Variants in MSI2 observed in about 807,000 individuals in gnomAD.
The protein encoded by MSI2 is RNA-binding protein Musashi homolog 2.
In MSI2, 17 loss-of-function variants were observed where a neutral mutation model predicts 45.6. That is an observed-to-expected ratio of 0.37 (90% CI 0.26 to 0.56). The LOEUF (loss-of-function observed/expected upper bound fraction) is 0.56, where lower values mean the gene tolerates loss of function less well. MSI2 is among the 20% of genes least tolerant of loss of function. The pLI, the probability that MSI2 is intolerant of heterozygous loss-of-function variation, is 0.77. For synonymous variants in MSI2, 156 were observed against 158.2 expected (o/e 0.99, Z 0.11); for missense variants, 293 against 444.2 (o/e 0.66, Z 3.06).
At chr17:57,616,189 A>T (rs1907673391) in intron 9 of MSI2, 105 bp downstream of exon 9, 1 of 763,770 alleles carries the variant, frequency 1.3e-6, no homozygotes, top group Non-Finnish European at 2.2e-6. Flanking sequence ...TCACCTTTCT[A>T]AGCCTCAGTT....
In MSI2 at chr17:57,631,866, A is replaced by C. The variant is rs761563946; in HGVS notation, c.727+4563A>C. 33 of 1,609,986 alleles carry C rather than the reference A, an allele frequency of 2.0e-5. No individual in the cohort carries two copies. In the Admixed American group the frequency reaches 5.0e-4, roughly 24 times the overall value. ...GAGGCATAGCAAAGTGGGGGTTGCT[A>C]CCATTTCTAGAGAGAGAGGACACAG... On this transcript the variant is annotated intron_variant, in intron 10 of 13. Coordinates refer to ENST00000284073, the MANE Select transcript of MSI2 (RefSeq NM_138962.4).
chr17:57,361,355 C>A (rs1010454273), intron 5 of MSI2, among the ~76,000 whole-genome samples: 5 of 151,942 alleles, frequency 3.3e-5, no homozygotes, highest in African/African-American at 1.2e-4. Flanking sequence ...AAACCCAGTA[C>A]TTTGGAAGGC....
chr17:57,549,038 T>C (rs1479452684), intron 7 of MSI2, among the ~76,000 whole-genome samples: 5 of 152,038 alleles, frequency 3.3e-5, no homozygotes, highest in African/African-American at 1.2e-4. Flanking sequence ...GACAGAATTA[T>C]TTTATTTGTT....
chr17:57,335,452 G>A (rs139622391), intron 5 of MSI2, among the ~76,000 whole-genome samples: 1 of 152,278 alleles, frequency 6.6e-6, no homozygotes, highest in Non-Finnish European at 1.5e-5. Flanking sequence ...GTTTACGTAT[G>A]GCCTATGGCA....
At chr17:57,469,540 A>T (rs1555610137) in intron 6 of MSI2, among the ~76,000 whole-genome samples, 1 of 152,162 alleles carries the variant, frequency 6.6e-6, no homozygotes, top group Non-Finnish European at 1.5e-5. Context: ...AGGTGAGGAA[A>T]GGGTTAAGGC....
chr17:57,359,160 C>T lies in MSI2; in HGVS notation c.313-42219C>T, dbSNP rs916171995. Reference sequence around the variant, plus strand: ...CACTCTCTCCGATTCCCCAAATCCCCTAGGTCCCACTGCTTGGGTTTGGGG... The same window carrying T: ...CACTCTCTCCGATTCCCCAAATCCCTTAGGTCCCACTGCTTGGGTTTGGGG... On this transcript the variant is annotated intron_variant, in intron 5 of 13. Coordinates refer to ENST00000284073, the MANE Select transcript of MSI2 (RefSeq NM_138962.4). Among the ~76,000 whole-genome samples the T allele has an allele frequency of 2.0e-5, 3 of 152,186 alleles. No individual in the cohort carries two copies. The East Asian group carries it at 5.8e-4, about 29-fold the overall frequency.
intron 6 of MSI2, among the ~76,000 whole-genome samples, chr17:57,517,309 C>T (rs903411181): frequency 6.6e-6 from 1 of 152,152 alleles, no homozygotes; most frequent in Admixed American, 6.5e-5. Flanking sequence ...CATCAAAGCC[C>T]CATGAAGAAA....
chr17:57,473,241 T>C (rs779829025), intron 6 of MSI2, among the ~76,000 whole-genome samples: 2 of 152,220 alleles, frequency 1.3e-5, no homozygotes, highest in Admixed American at 1.3e-4. Flanking sequence ...TCACCTTCCC[T>C]CCCAGAAGCT....
chr17:57,314,102 C>T lies in MSI2; in HGVS notation c.312+51910C>T, dbSNP rs1253170056. On this transcript the variant is annotated intron_variant, in intron 5 of 13. Coordinates refer to ENST00000284073, the MANE Select transcript of MSI2 (RefSeq NM_138962.4). The stretch of plus-strand genomic sequence containing the variant: ...GGAAGGATCATTGCAGGTCTCCCTC[C>T]GTGGCTTCTAGATGGCTGTTTTCTC... Among the ~76,000 whole-genome samples the T allele has an allele frequency of 2.6e-5, 4 of 152,108 alleles. No individual in the cohort carries two copies. In the East Asian group the frequency reaches 5.8e-4, roughly 22 times the overall value.
intron 7 of MSI2, among the ~76,000 whole-genome samples, chr17:57,555,244 C>A (rs1443985518): frequency 6.6e-6 from 1 of 151,772 alleles, no homozygotes; most frequent in Non-Finnish European, 1.5e-5. Flanking sequence ...TCTGCACCCA[C>A]CGCCATGCTC....
Position 57,372,921 on chromosome 17 carries a change from A to G in MSI2, c.313-28458A>G, listed in dbSNP as rs186334261. Reference sequence around the variant, plus strand: ...ATTAATTGACTGCAAAAATAAATTCAGAATTATGAAAATAAAGGGCATCTG... The same window carrying G: ...ATTAATTGACTGCAAAAATAAATTCGGAATTATGAAAATAAAGGGCATCTG... On this transcript the variant is annotated intron_variant, in intron 5 of 13. Transcript: ENST00000284073. Among the ~76,000 whole-genome samples, 12 of 152,280 alleles carry G rather than the reference A, an allele frequency of 7.9e-5. No homozygotes were observed. The East Asian group carries it at 2.3e-3, about 29-fold the overall frequency.
chr17:57,329,878 C>T (rs938606104), intron 5 of MSI2, among the ~76,000 whole-genome samples: 16 of 151,894 alleles, frequency 1.1e-4, no homozygotes, highest in Non-Finnish European at 2.2e-4. Flanking sequence ...AAATTAGAAG[C>T]TATGTTGAAC....
rs2086785888 is a variant in MSI2 at position 57,529,877 on chromosome 17, C to T, written c.454+153C>T. 6.6e-6 allele frequency among the ~76,000 whole-genome samples: 1 copy of T among 152,090 alleles called. No homozygotes were observed. ...TTGAAGATCTTTATTCACGGAGAGT[C>T]CCAGTAGCACAAAGAGTTCCAGTAC... On this transcript the variant is annotated intron_variant, in intron 7 of 13. Coordinates refer to ENST00000284073, the MANE Select transcript of MSI2 (RefSeq NM_138962.4). The surrounding 1 kb of genome is among the most constrained non-coding windows in gnomAD (Gnocchi z 5.3).
chr17:57,480,217 C>A (rs955019823), intron 6 of MSI2, among the ~76,000 whole-genome samples: 1 of 152,180 alleles, frequency 6.6e-6, no homozygotes, highest in Admixed American at 6.5e-5. Flanking sequence ...CCTGCCTCAG[C>A]CTCCCAAAGT....
rs2144769457 is a variant in MSI2 at position 57,681,844 on chromosome 17, T to C, written c.*2327T>C. The C allele has an allele frequency of 5.1e-6, 1 of 195,028 alleles. No individual in the cohort carries two copies. The highest frequency in any genetic ancestry group is 2.0e-4 in the South Asian group (1 of 5,120). 12.1% of individuals were successfully genotyped at this position (195,028 alleles called of 1,614,324 possible). ...TAAAAAAAAAAAAAGAAAGAAAAAA[T>C]AGTAAATTCCCAGAAATTCAGTGTT... On this transcript the variant is annotated 3_prime_UTR_variant, in exon 14 of 14. Coordinates refer to ENST00000284073, the MANE Select transcript of MSI2 (RefSeq NM_138962.4).
chr17:57,334,979 T>C (rs1914582856), intron 5 of MSI2, among the ~76,000 whole-genome samples: 1 of 151,990 alleles, frequency 6.6e-6, no homozygotes, highest in African/African-American at 2.4e-5. Context: ...CCTGTAGTTA[T>C]GATTTGTTCT....
At chr17:57,343,144 A>T (rs181180761) in intron 5 of MSI2, among the ~76,000 whole-genome samples, 98 of 152,252 alleles carry the variant, frequency 6.4e-4, no homozygotes, top group Middle Eastern at 3.4e-3. Flanking sequence ...TTGTTACTTT[A>T]TCTTTCTGCA....
At chr17:57,464,023 G>A (rs934594717) in intron 6 of MSI2, among the ~76,000 whole-genome samples, 3 of 144,696 alleles carry the variant, frequency 2.1e-5, no homozygotes, top group Non-Finnish European at 4.6e-5. Flanking sequence ...GTGTGTGTAT[G>A]TGTGTGTGTG....
intron 5 of MSI2, among the ~76,000 whole-genome samples, chr17:57,380,120 C>A (rs1423713865): frequency 6.6e-6 from 1 of 152,034 alleles, no homozygotes; most frequent in Non-Finnish European, 1.5e-5. Flanking sequence ...CCAGCCAATG[C>A]CAGGATGACT....
Sources: gnomAD v4.1 joint callset for allele counts (sites outside exome capture counted in the v4.1 genomes callset) on GRCh38, gnomAD v4.1.1 for gene constraint, Gnocchi (gnomAD v3.1) non-coding constraint, MANE v1.5 for transcripts, NCBI Gene and HGNC (gene_info 2026-07-23, HGNC 2026-07-21) for gene names.